UGT2A2: variants seen among roughly 807,000 people sequenced by gnomAD.
UGT2A2 encodes the protein UDP-glucuronosyltransferase 2A2.
Under a neutral mutation model 50.7 loss-of-function variants are expected in UGT2A2, and 60 were observed. The observed-to-expected ratio is 1.18, with a 90% CI of 0.96 to 1.47. The LOEUF (loss-of-function observed/expected upper bound fraction) is 1.47. UGT2A2 is among the 40% of genes most tolerant of loss of function. The probability of loss-of-function intolerance (pLI) is 0.00; values close to 1 mark genes in which losing one functional copy is unlikely to be tolerated. For synonymous variants in UGT2A2, 242 were observed against 214.6 expected, an observed-to-expected ratio of 1.13 and a Z score of -1.11; for missense variants, 762 against 634.0, an observed-to-expected ratio of 1.20 and a Z score of -2.17.
At chr4:69,634,179 A>G (rs908460684) in intron 1 of UGT2A2, among the ~76,000 whole-genome samples, 1 of 152,218 alleles carries the variant, frequency 6.6e-6, no homozygotes, top group Admixed American at 6.5e-5. Context: ...CGGGAGGCGG[A>G]GCTTGCAGTG....
At position 69,604,695 on chromosome 4, in the gene UGT2A2, A is replaced by T. The variant is rs1466000714; in HGVS notation, c.743-5301T>A. ...AAACCCATCTCACGTGAAGAGACAC[A>T]CATAGGCTCAAAATAAAGTGATGGA... On this transcript the variant is annotated intron_variant, in intron 1 of 5. Coordinates refer to ENST00000604629, the MANE Select transcript of UGT2A2 (RefSeq NM_001105677.2). Among the ~76,000 whole-genome samples, 10 of 136,960 alleles carry T rather than the reference A, an allele frequency of 7.3e-5. 1 individual carries two copies. Among genetic ancestry groups the T allele is most frequent in the Non-Finnish European group, 1.6e-4 (10 of 64,370 alleles). The allele number at this position is 136,960 out of a possible 152,430, so 89.9% of individuals were successfully genotyped here.
chr4:69,631,219 TTTA>T (rs1386896726), intron 1 of UGT2A2, among the ~76,000 whole-genome samples: 2 of 152,122 alleles, frequency 1.3e-5, no homozygotes, highest in Non-Finnish European at 2.9e-5. Flanking sequence ...CCTATACTGT[TTTA>T]GTGAAATTAG....
At chr4:69,617,418 A>G (rs750839986) in intron 1 of UGT2A2, among the ~76,000 whole-genome samples, 4 of 152,072 alleles carry the variant, frequency 2.6e-5, no homozygotes, top group Non-Finnish European at 5.9e-5. Flanking sequence ...GATATAATAT[A>G]TATGTTTATA....
intron 5 of UGT2A2, among the ~76,000 whole-genome samples, chr4:69,590,037 C>T (rs564085428): frequency 2.0e-5 from 3 of 152,256 alleles, no homozygotes; most frequent in East Asian, 1.9e-4. Context: ...ATAAACATAT[C>T]CTCTAGTGTC....
chr4:69,618,839 AAAAC>A (rs932777172), intron 1 of UGT2A2, among the ~76,000 whole-genome samples: 1 of 151,998 alleles, frequency 6.6e-6, no homozygotes, highest in Non-Finnish European at 1.5e-5. Flanking sequence ...AAATGACAAA[AAAAC>A]AAACAAAATA....
At chr4:69,605,000 T>C (rs1001076772) in intron 1 of UGT2A2, among the ~76,000 whole-genome samples, 2 of 136,158 alleles carry the variant, frequency 1.5e-5, no homozygotes, top group African/African-American at 6.0e-5. Flanking sequence ...CTGTCAACGT[T>C]AGACAGATCA....
At position 69,639,352 on chromosome 4, in the gene UGT2A2, C is replaced by G; in HGVS notation, c.289G>C (p.Glu97Gln). Reference protein sequence around the residue: ...YKKSNIDSLIEHMIMLWIDHR... With the variant: ...YKKSNIDSLIQHMIMLWIDHR... ...TCAATCCACAGCATTATCATATGCT[C>G]AATTAAGGAATCTATATTGCTCTTC... The change falls in exon 1 of 6, where the codon GAG becomes CAG. Residue 97 changes from glutamate (E) to glutamine (Q), a missense_variant. Physicochemically the swap from Glu to Gln is conservative, Grantham distance 29. Coordinates refer to ENST00000604629, the MANE Select transcript of UGT2A2 (RefSeq NM_001105677.2). The G allele has an allele frequency of 1.9e-6, 3 of 1,613,642 alleles. No homozygotes were observed. In the South Asian group the frequency reaches 3.3e-5, roughly 18 times the overall value.
chr4:69,597,186 G>C (rs1718977737), intron 2 of UGT2A2, among the ~76,000 whole-genome samples: 1 of 152,030 alleles, frequency 6.6e-6, no homozygotes, highest in Non-Finnish European at 1.5e-5. Context: ...ATAGGTCTAA[G>C]AAAAAATTTG....
Position 69,589,386 on chromosome 4 carries a change from T to C in UGT2A2, c.1597A>G (p.Lys533Glu), listed in dbSNP as rs929184959. The C allele has an allele frequency of 4.3e-6, 7 of 1,611,118 alleles. No homozygotes were observed. Among genetic ancestry groups the C allele is most frequent in the Middle Eastern group, 1.7e-4 (1 of 6,044 alleles). ...CQKFGKIGKK[K>E]KRE ...TTTTTCTTGACCTATTCTCTTTTTT[T>C]CTTCTTTCCTATCTTACCAAATTTT... The change falls in exon 6 of 6, where the codon AAA becomes GAA. Residue 533 changes from lysine (K) to glutamate (E), a missense_variant. Transcript: ENST00000604629.
intron 1 of UGT2A2, among the ~76,000 whole-genome samples, chr4:69,609,973 C>G (rs924428164): frequency 1.3e-5 from 2 of 152,016 alleles, no homozygotes; most frequent in African/African-American, 4.8e-5. Context: ...TTTCAAAAAA[C>G]TAAATAATAG....
At chr4:69,595,984 G>A (rs1718898711) in intron 3 of UGT2A2, among the ~76,000 whole-genome samples, 1 of 151,962 alleles carries the variant, frequency 6.6e-6, no homozygotes, top group Admixed American at 6.6e-5. Flanking sequence ...GGTCAGTAGG[G>A]GCTTAAAGTT....
chr4:69,602,642 T>A lies in UGT2A2; in HGVS notation c.743-3248A>T, dbSNP rs1719363395. Among the ~76,000 whole-genome samples the A allele has an allele frequency of 1.5e-5, 2 of 137,736 alleles. 1 individual carries two copies. Among genetic ancestry groups the A allele is most frequent in the African/African-American group, 5.8e-5 (2 of 34,268 alleles). 90.4% of individuals were successfully genotyped at this position (137,736 alleles called of 152,430 possible). A position where few individuals can be genotyped will look rare whatever the true frequency, so the allele number is the denominator to read the frequency against. ...TTTCTGTGCACAAGTAAACGAAGAT[T>A]TAATTTAAAAACTAAATTTCCACTG... is the stretch of plus-strand genomic sequence containing the variant. On this transcript the variant is annotated intron_variant, in intron 1 of 5. Coordinates refer to ENST00000604629, the MANE Select transcript of UGT2A2 (RefSeq NM_001105677.2).
At chr4:69,615,149 A>G in intron 1 of UGT2A2, among the ~76,000 whole-genome samples, 1 of 152,016 alleles carries the variant, frequency 6.6e-6, no homozygotes, top group Non-Finnish European at 1.5e-5. Context: ...AGGACACAGG[A>G]GACAAACCAT....
At chr4:69,609,008 A>G (rs1719859002) in intron 1 of UGT2A2, among the ~76,000 whole-genome samples, 1 of 152,076 alleles carries the variant, frequency 6.6e-6, no homozygotes. Context: ...AAAATTATAA[A>G]GAGTATGATT....
chr4:69,593,972 T>A (rs1175351454), intron 5 of UGT2A2, among the ~76,000 whole-genome samples: 1 of 103,710 alleles, frequency 9.6e-6, no homozygotes, highest in Admixed American at 1.1e-4. Context: ...GAAGTCTTTT[T>A]TTTTGTTTGT....
chr4:69,590,273 C>G (rs895114744), intron 5 of UGT2A2, among the ~76,000 whole-genome samples: 1 of 152,174 alleles, frequency 6.6e-6, no homozygotes, highest in African/African-American at 2.4e-5. Flanking sequence ...TCAATTGAAA[C>G]ATCTCCCTAG....
At chr4:69,628,542 C>A (rs1468732189) in intron 1 of UGT2A2, among the ~76,000 whole-genome samples, 1 of 151,330 alleles carries the variant, frequency 6.6e-6, no homozygotes, top group Non-Finnish European at 1.5e-5. Context: ...CACTAAATAT[C>A]CACAAGCAAA....
intron 1 of UGT2A2, among the ~76,000 whole-genome samples, chr4:69,602,440 T>A (rs1243882819): frequency 8.1e-6 from 1 of 122,896 alleles, no homozygotes; most frequent in Admixed American, 8.1e-5. Flanking sequence ...AAACAATTTT[T>A]AGAATAACAA....
intron 2 of UGT2A2, among the ~76,000 whole-genome samples, chr4:69,598,094 G>T (rs1236230384): frequency 6.6e-6 from 1 of 152,008 alleles, no homozygotes; most frequent in Non-Finnish European, 1.5e-5. Flanking sequence ...ATATTTCTGT[G>T]TCTTTATTTA....
Sources: gnomAD v4.1 joint callset for allele counts (sites outside exome capture counted in the v4.1 genomes callset) on GRCh38, gnomAD v4.1.1 for gene constraint, MANE v1.5 for transcripts, NCBI Gene and HGNC (gene_info 2026-07-23, HGNC 2026-07-21) for gene names.